Variants in KCNH7 observed in about 807,000 individuals in gnomAD.
KCNH7 encodes the protein voltage-gated inwardly rectifying potassium channel KCNH7.
Under a neutral mutation model 120.8 loss-of-function variants are expected in KCNH7, and 49 were observed. That is an observed-to-expected ratio of 0.41 (90% CI 0.32 to 0.51). KCNH7 has a LOEUF of 0.51. Ranked by LOEUF, KCNH7 falls within the 20% of genes least tolerant of loss-of-function variation. KCNH7 has a pLI of 0.38. For missense variants in KCNH7, 1,097 were observed against 1,446.6 expected (o/e 0.76, Z 3.92); for synonymous variants, 547 against 516.1 (o/e 1.06, Z -0.81).
intron 2 of KCNH7, among the ~76,000 whole-genome samples, chr2:162,603,643 T>C (rs1158163521): frequency 1.3e-5 from 2 of 152,030 alleles, no homozygotes; most frequent in Non-Finnish European, 2.9e-5. Flanking sequence ...GAAAGAAGCA[T>C]AGCCCAAAGA....
intron 6 of KCNH7, among the ~76,000 whole-genome samples, chr2:162,489,120 C>G (rs1033861652): frequency 1.3e-4 from 20 of 152,100 alleles, no homozygotes; most frequent in African/African-American, 4.3e-4. Flanking sequence ...AAATAGAAAA[C>G]TAATTTGCTG....
At chr2:162,771,004 T>C (rs905258895) in intron 2 of KCNH7, among the ~76,000 whole-genome samples, 2 of 152,124 alleles carry the variant, frequency 1.3e-5, no homozygotes, top group African/African-American at 4.8e-5. Context: ...TGGTTATGTT[T>C]TATGCCTCTA....
intron 2 of KCNH7, among the ~76,000 whole-genome samples, chr2:162,799,505 T>G (rs1329725242): frequency 6.6e-6 from 1 of 152,014 alleles, no homozygotes; most frequent in African/African-American, 2.4e-5. Flanking sequence ...CTTTAATATT[T>G]AGAATACTGT....
rs138390978 is a variant in KCNH7 at position 162,494,016 on chromosome 2, A to T, written c.1128+10427T>A. On this transcript the variant is annotated intron_variant, in intron 6 of 15. Coordinates refer to ENST00000332142, the MANE Select transcript of KCNH7 (RefSeq NM_033272.4). ...AAGCACGACAAGGTTTTCTTAAGGT[A>T]TTGATCTGTTATTTAACAAAGATTT... 8.0e-4 allele frequency among the ~76,000 whole-genome samples: 122 copies of T among 152,284 alleles called. 3 individuals carry two copies. The East Asian group carries it at 0.022, about 27-fold the overall frequency.
intron 6 of KCNH7, among the ~76,000 whole-genome samples, chr2:162,500,184 A>G (rs1256487557): frequency 1.4e-5 from 2 of 148,044 alleles, no homozygotes; most frequent in South Asian, 4.2e-4. Context: ...TATACAATAC[A>G]TATATTATAT....
In KCNH7 at chr2:162,522,267, T is replaced by C. The variant is rs115887578; in HGVS notation, c.464-4109A>G. Among the ~76,000 whole-genome samples the C allele has an allele frequency of 3.3e-3, 501 of 152,044 alleles. 3 individuals are homozygous for C. Among genetic ancestry groups the C allele is most frequent in the African/African-American group, 0.012 (485 of 41,558 alleles). ...CAAGCTTATTACGATGCATTGAAAG[T>C]CAATGACTACTTTTATTAATTTTTC... On this transcript the variant is annotated intron_variant, in intron 3 of 15. Coordinates refer to ENST00000332142, the MANE Select transcript of KCNH7 (RefSeq NM_033272.4).
chr2:162,521,156 A>G (rs1691506778), intron 3 of KCNH7, among the ~76,000 whole-genome samples: 1 of 151,710 alleles, frequency 6.6e-6, no homozygotes, highest in Non-Finnish European at 1.5e-5. Context: ...CATTTTTTCC[A>G]TGACTGGCCC....
At chr2:162,558,503 CTT>C (rs71410015) in intron 2 of KCNH7, among the ~76,000 whole-genome samples, 1,132 of 80,666 alleles carry the variant, frequency 0.014, 9 homozygotes, top group African/African-American at 0.044. Flanking sequence ...TTCTCAATGG[CTT>C]TTTTTTTTTT....
chr2:162,498,151 C>T (rs1303853443), intron 6 of KCNH7, among the ~76,000 whole-genome samples: 1 of 152,040 alleles, frequency 6.6e-6, no homozygotes, highest in Non-Finnish European at 1.5e-5. Flanking sequence ...GGTCCCTTCA[C>T]ACATCTTATT....
intron 2 of KCNH7, among the ~76,000 whole-genome samples, chr2:162,729,389 T>C (rs1207170365): frequency 6.6e-6 from 1 of 151,484 alleles, no homozygotes; most frequent in African/African-American, 2.4e-5. Context: ...TCAAGTAATA[T>C]ATGTCCCCCA....
At chr2:162,757,796 TGTTTCTTAGGACAATTATGGTCAA>T (rs1688839217) in intron 2 of KCNH7, among the ~76,000 whole-genome samples, 14 of 152,282 alleles carry the variant, frequency 9.2e-5, no homozygotes, top group Admixed American at 8.5e-4. Context: ...ATGAATGTCT[TGTTTCTTAGGACAATTATGGTCAA>T]GTTATCTAGT....
chr2:162,543,904 C>A (rs1270062211), intron 2 of KCNH7, among the ~76,000 whole-genome samples: 1 of 152,084 alleles, frequency 6.6e-6, no homozygotes, highest in Non-Finnish European at 1.5e-5. Flanking sequence ...TGATAAAAAT[C>A]AATTTCTCAA....
At chr2:162,778,664 T>C (rs1420611820) in intron 2 of KCNH7, among the ~76,000 whole-genome samples, 1 of 152,192 alleles carries the variant, frequency 6.6e-6, no homozygotes, top group Non-Finnish European at 1.5e-5. Context: ...TATTTTATCA[T>C]GTGATTTTAA....
intron 2 of KCNH7, among the ~76,000 whole-genome samples, chr2:162,690,300 T>C (rs2105327294): frequency 6.6e-6 from 1 of 152,218 alleles, no homozygotes; most frequent in Non-Finnish European, 1.5e-5. Flanking sequence ...ACCTAGGTAA[T>C]GAAATAATCT....
chr2:162,513,358 TTTCCTTCC>T (rs71009361), intron 4 of KCNH7, among the ~76,000 whole-genome samples: 15 of 91,700 alleles, frequency 1.6e-4, no homozygotes, highest in Admixed American at 1.6e-3. Context: ...TCCCTCCTTC[TTTCCTTCC>T]TTCCTTCCTT....
chr2:162,818,953 T>G (rs907365334), intron 2 of KCNH7, among the ~76,000 whole-genome samples: 1 of 152,076 alleles, frequency 6.6e-6, no homozygotes, highest in Non-Finnish European at 1.5e-5. Context: ...CTGATGAAAA[T>G]CTACAACTTA....
chr2:162,752,983 G>GAAAAGAAAAGAA (rs1688643459), intron 2 of KCNH7, among the ~76,000 whole-genome samples: 1 of 121,300 alleles, frequency 8.2e-6, no homozygotes, highest in Non-Finnish European at 1.5e-5. Context: ...GAAAAGAAAA[G>GAAAAGAAAAGAA]AAAAGAAAAG....
At chr2:162,821,881 G>C (rs966167396) in intron 2 of KCNH7, among the ~76,000 whole-genome samples, 4 of 151,964 alleles carry the variant, frequency 2.6e-5, no homozygotes, top group Admixed American at 1.3e-4. Flanking sequence ...TGTGTGAATT[G>C]AGGAACTTTT....
At chr2:162,599,634 T>C (rs1027593598) in intron 2 of KCNH7, among the ~76,000 whole-genome samples, 2 of 151,932 alleles carry the variant, frequency 1.3e-5, no homozygotes, top group African/African-American at 4.8e-5. Context: ...TATCTACATG[T>C]GGTCTCTTTT....
Sources: gnomAD v4.1 joint callset for allele counts (sites outside exome capture counted in the v4.1 genomes callset) on GRCh38, gnomAD v4.1.1 for gene constraint, MANE v1.5 for transcripts, NCBI Gene and HGNC (gene_info 2026-07-23, HGNC 2026-07-21) for gene names.